Variants in KAZN observed in about 807,000 individuals in gnomAD.
The protein encoded by KAZN is kazrin, periplakin interacting protein.
Under a neutral mutation model 87.4 loss-of-function variants are expected in KAZN, and 40 were observed. That is an observed-to-expected ratio of 0.46 (90% CI 0.36 to 0.60). KAZN has a LOEUF of 0.60. Ranked by LOEUF, KAZN falls within the 20% of genes least tolerant of loss-of-function variation. KAZN has a pLI of 0.00. For missense variants in KAZN, 898 were observed against 1,073.9 expected (o/e 0.84, Z 2.29); for synonymous variants, 466 against 458.3 (o/e 1.02, Z -0.22).
intron 2 of KAZN, among the ~76,000 whole-genome samples, chr1:15,031,429 C>T (rs974508583): frequency 6.6e-6 from 1 of 152,192 alleles, no homozygotes; most frequent in African/African-American, 2.4e-5. Flanking sequence ...GGGCAAAGGC[C>T]GTGGAGCCCA....
chr1:14,914,278 TG>T (rs1293519442), intron 1 of KAZN, among the ~76,000 whole-genome samples: 1 of 152,218 alleles, frequency 6.6e-6, no homozygotes, highest in African/African-American at 2.4e-5. Context: ...TTAGTCCCCC[TG>T]GCCCTTGATT....
chr1:13,922,790 T>C (rs1235751926), intron 1 of KAZN, among the ~76,000 whole-genome samples: 1 of 152,236 alleles, frequency 6.6e-6, no homozygotes, highest in African/African-American at 2.4e-5. Flanking sequence ...CCTTCCAGAA[T>C]TCCCCAGTGC....
chr1:14,785,933 G>C (rs965775726), intron 1 of KAZN, among the ~76,000 whole-genome samples: 2 of 152,162 alleles, frequency 1.3e-5, no homozygotes, highest in Non-Finnish European at 2.9e-5. Flanking sequence ...CTGCCACTTA[G>C]TGTCTGTGAG....
chr1:14,702,149 CTA>C (rs918901265), intron 1 of KAZN, among the ~76,000 whole-genome samples: 1 of 152,134 alleles, frequency 6.6e-6, no homozygotes, highest in African/African-American at 2.4e-5. Flanking sequence ...GGCAGAGGGG[CTA>C]TGTTCTTTGT....
chr1:14,240,926 T>G (rs568092441), intron 2 of KAZN, among the ~76,000 whole-genome samples: 62 of 152,244 alleles, frequency 4.1e-4, no homozygotes, highest in Non-Finnish European at 7.9e-4. Flanking sequence ...CCCACCGAAC[T>G]GGGGTTGTGA....
At chr1:14,565,015 C>T (rs183571541) in intron 2 of KAZN, among the ~76,000 whole-genome samples, 132 of 115,524 alleles carry the variant, frequency 1.1e-3, no homozygotes, top group Non-Finnish European at 2.2e-3. Context: ...GAAGGAGAAA[C>T]GAAAAAAATT....
In KAZN at chr1:14,883,344, A is replaced by AGAGAGAG. The variant is rs1557586164; in HGVS notation, c.227-77340_227-77339insGAGAGAG. 3.8e-3 allele frequency among the ~76,000 whole-genome samples: 113 copies of AGAGAGAG among 29,670 alleles called. 25 individuals carry two copies. The highest frequency in any genetic ancestry group is 5.9e-3 in the Non-Finnish European group (83 of 14,136). The allele number at this position is 29,670 out of a possible 152,430, so 19.5% of individuals were successfully genotyped here. On this transcript the variant is annotated intron_variant, in intron 1 of 14. Coordinates refer to ENST00000376030, the MANE Select transcript of KAZN (RefSeq NM_201628.3). ...AGAGAGAGAGAGAGAGAGAGAGAGA[A>AGAGAGAG]AGAAAGAAAGAAAAGAAAGAAAGAA...
At chr1:14,427,103 C>T (rs1440154873) in intron 2 of KAZN, among the ~76,000 whole-genome samples, 1 of 152,184 alleles carries the variant, frequency 6.6e-6, no homozygotes. Flanking sequence ...AGAAGGGAAG[C>T]CCCAAGGCAG....
Position 14,996,486 on chromosome 1 carries a change from G to A in KAZN, c.418+35611G>A, listed in dbSNP as rs1227458918. On this transcript the variant is annotated intron_variant, in intron 2 of 14. Transcript: ENST00000376030. This position sits in a 1 kb window ranked among gnomAD's most constrained non-coding sequence, Gnocchi z 5.9. ...TACAGTGGGTGCCCCAGGAATGTAG[G>A]GGGGATGGACGCCATGCTGAGAAAG... is the stretch of plus-strand genomic sequence containing the variant. 6.6e-6 allele frequency among the ~76,000 whole-genome samples: 1 copy of A among 152,174 alleles called. No individual in the cohort carries two copies. The highest frequency in any genetic ancestry group is 1.5e-5 in the Non-Finnish European group (1 of 68,028).
At chr1:14,060,232 A>G (rs2101511662) in intron 1 of KAZN, among the ~76,000 whole-genome samples, 1 of 152,204 alleles carries the variant, frequency 6.6e-6, no homozygotes, top group African/African-American at 2.4e-5. Context: ...GCGTGGCAGC[A>G]TGCGCCTGTA....
intron 1 of KAZN, among the ~76,000 whole-genome samples, chr1:14,704,479 G>A (rs1396229972): frequency 1.3e-5 from 2 of 152,202 alleles, no homozygotes; most frequent in African/African-American, 4.8e-5. Context: ...ACCAAAATGT[G>A]TGCCCAGGGG....
intron 1 of KAZN, among the ~76,000 whole-genome samples, chr1:14,136,050 T>C (rs1430856083): frequency 6.6e-6 from 1 of 151,990 alleles, no homozygotes; most frequent in East Asian, 1.9e-4. Flanking sequence ...CTCTGAAGAA[T>C]GGGGGAGAGA....
At chr1:14,412,188 C>T (rs984028365) in intron 2 of KAZN, among the ~76,000 whole-genome samples, 2 of 152,162 alleles carry the variant, frequency 1.3e-5, no homozygotes, top group African/African-American at 4.8e-5. Flanking sequence ...AACCTCAATG[C>T]ATCAGGGCAT....
intron 1 of KAZN, among the ~76,000 whole-genome samples, chr1:14,115,951 G>T (rs1457003018): frequency 6.6e-6 from 1 of 152,196 alleles, no homozygotes; most frequent in Non-Finnish European, 1.5e-5. Context: ...TTGCCCTAGA[G>T]ATTTGTGTAA....
At chr1:14,812,835 A>G (rs1646453773) in intron 1 of KAZN, among the ~76,000 whole-genome samples, 1 of 152,154 alleles carries the variant, frequency 6.6e-6, no homozygotes. Flanking sequence ...TTGTCTTCTG[A>G]TGAAGTTTTA....
chr1:14,723,349 A>C (rs961757132), intron 1 of KAZN, among the ~76,000 whole-genome samples: 1 of 151,978 alleles, frequency 6.6e-6, no homozygotes, highest in Non-Finnish European at 1.5e-5. Flanking sequence ...GAGCCCCCCA[A>C]CTGTGACAGT....
At chr1:14,217,792 A>G (rs1646991461) in intron 2 of KAZN, among the ~76,000 whole-genome samples, 1 of 152,166 alleles carries the variant, frequency 6.6e-6, no homozygotes, top group African/African-American at 2.4e-5. Flanking sequence ...TTAGGCATCC[A>G]GGCAAAAAGA....
At chr1:14,559,209 T>G (rs1386991807) in intron 2 of KAZN, among the ~76,000 whole-genome samples, 3 of 152,188 alleles carry the variant, frequency 2.0e-5, no homozygotes, top group African/African-American at 7.2e-5. Flanking sequence ...ACTGCATGTG[T>G]AGAGTTGGCT....
chr1:14,596,395 T>C (rs901358341), upstream of KAZN, among the ~76,000 whole-genome samples: 4 of 152,114 alleles, frequency 2.6e-5, no homozygotes, highest in African/African-American at 9.7e-5. Context: ...TTCCAAAACA[T>C]TCCCATCCTC....
Sources: gnomAD v4.1 joint callset for allele counts (sites outside exome capture counted in the v4.1 genomes callset) on GRCh38, gnomAD v4.1.1 for gene constraint, Gnocchi (gnomAD v3.1) non-coding constraint, MANE v1.5 for transcripts, NCBI Gene and HGNC (gene_info 2026-07-23, HGNC 2026-07-21) for gene names.